AKAP13: variants seen among roughly 807,000 people sequenced by gnomAD.
AKAP13 encodes the protein A-kinase anchor protein 13.
In AKAP13, 80 loss-of-function variants were observed where a neutral mutation model predicts 264.5. The ratio of observed to expected loss-of-function variants is 0.30; its 90% CI spans 0.25 to 0.36. The LOEUF (loss-of-function observed/expected upper bound fraction) is 0.36, where lower values mean the gene tolerates loss of function less well. Ranked by LOEUF, AKAP13 falls within the 10% of genes least tolerant of loss-of-function variation. The pLI is 1.00. For missense variants in AKAP13, 3,712 were observed against 3,435.2 expected (o/e 1.08, Z -2.01); for synonymous variants, 1,380 against 1,250.2 (o/e 1.10, Z -2.19).
chr15:85,588,247 G>T (rs1208931468), intron 8 of AKAP13, among the ~76,000 whole-genome samples: 2 of 152,176 alleles, frequency 1.3e-5, no homozygotes, highest in Non-Finnish European at 2.9e-5. Context: ...GAGTACTGTG[G>T]TATGAAGGTG....
At chr15:85,394,204 A>G (rs752867010) in intron 1 of AKAP13, among the ~76,000 whole-genome samples, 10 of 152,238 alleles carry the variant, frequency 6.6e-5, no homozygotes, top group Non-Finnish European at 8.8e-5. Context: ...CTCAGTAAGA[A>G]AAATACAGGT....
chr15:85,633,368 CG>C (rs144422261), intron 8 of AKAP13, among the ~76,000 whole-genome samples: 38,741 of 146,560 alleles, frequency 0.26, 6,994 homozygotes, highest in East Asian at 0.58. Context: ...ATAATAGGGG[CG>C]GGGGGGGAGT....
At chr15:85,424,975 G>GT (rs1231884635) in intron 1 of AKAP13, among the ~76,000 whole-genome samples, 5 of 152,192 alleles carry the variant, frequency 3.3e-5, no homozygotes, top group Admixed American at 1.3e-4. Flanking sequence ...TGTGGGCACA[G>GT]TTGGTGGTGC....
At chr15:85,619,611 G>A (rs558540502) in intron 8 of AKAP13, 4 of 985,564 alleles carry the variant, frequency 4.1e-6, no homozygotes, top group Admixed American at 1.2e-4. Context: ...TTGAAATAGC[G>A]TCGTCTTCCT....
chr15:85,528,805 G>A (rs1236016570), intron 3 of AKAP13, among the ~76,000 whole-genome samples: 2 of 152,078 alleles, frequency 1.3e-5, no homozygotes, highest in Non-Finnish European at 2.9e-5. Context: ...TTTAAAATAC[G>A]GAATTAAAGT....
At chr15:85,408,875 A>G (rs1442315527) in intron 1 of AKAP13, among the ~76,000 whole-genome samples, 2 of 151,558 alleles carry the variant, frequency 1.3e-5, no homozygotes, top group Non-Finnish European at 2.9e-5. Context: ...TGGTAATTCT[A>G]TTTTTAATTT....
At chr15:85,696,728 A>G (rs2085584871) in intron 17 of AKAP13, among the ~76,000 whole-genome samples, 1 of 152,234 alleles carries the variant, frequency 6.6e-6, no homozygotes, top group South Asian at 2.1e-4. Context: ...TAAAAAATTA[A>G]TACATAGCTG....
chr15:85,488,359 CATAGAGAT>C (rs1286067653), intron 2 of AKAP13, among the ~76,000 whole-genome samples: 1 of 152,140 alleles, frequency 6.6e-6, no homozygotes, highest in Non-Finnish European at 1.5e-5. Context: ...TGTGTCTATA[CATAGAGAT>C]ATGTTCTATA....
intron 1 of AKAP13, among the ~76,000 whole-genome samples, chr15:85,404,332 C>T (rs2071568500): frequency 6.6e-6 from 1 of 152,138 alleles, no homozygotes; most frequent in African/African-American, 2.4e-5. Flanking sequence ...TCCTCATTGC[C>T]CACCGAATAA....
rs1567077572 is a variant in AKAP13, at chr15:85,477,636, G to GAAAAA, written c.-11-8074_-11-8073insAAAAA. ...GAAATTTGAACTGAGCTTAAAAAAA[G>GAAAAA]GAAAAAAAAAAAAAAAAAAAAAGGC... On this transcript the variant is annotated intron_variant, in intron 1 of 36. Coordinates refer to ENST00000394518, the MANE Select transcript of AKAP13 (RefSeq NM_007200.5). 1.5e-4 allele frequency among the ~76,000 whole-genome samples: 5 copies of GAAAAA among 34,308 alleles called. 1 individual carries two copies. The highest frequency in any genetic ancestry group is 2.9e-4 in the Admixed American group (1 of 3,446). The allele number at this position is 34,308 out of a possible 152,430, so 22.5% of individuals were successfully genotyped here.
chr15:85,642,871 C>T (rs1205457990), intron 9 of AKAP13, among the ~76,000 whole-genome samples: 1 of 152,172 alleles, frequency 6.6e-6, no homozygotes, highest in Non-Finnish European at 1.5e-5. Flanking sequence ...AGCGTAGTTG[C>T]TGTGACAGCC....
intron 8 of AKAP13, among the ~76,000 whole-genome samples, chr15:85,629,695 A>C (rs901252462): frequency 1.3e-5 from 2 of 151,394 alleles, no homozygotes; most frequent in African/African-American, 4.8e-5. Context: ...GGTATGTAAA[A>C]AGGTCAAATC....
At chr15:85,642,788 G>C (rs1371953157) in intron 9 of AKAP13, among the ~76,000 whole-genome samples, 1 of 152,138 alleles carries the variant, frequency 6.6e-6, no homozygotes, top group South Asian at 2.1e-4. Context: ...TTCGAATATC[G>C]TGAGCTAGTT....
At chr15:85,680,685 C>T (rs986263101) in intron 14 of AKAP13, among the ~76,000 whole-genome samples, 4 of 151,962 alleles carry the variant, frequency 2.6e-5, no homozygotes, top group Non-Finnish European at 5.9e-5. Context: ...GGCAACATGG[C>T]GAGTCCCTGT....
intron 1 of AKAP13, among the ~76,000 whole-genome samples, chr15:85,431,849 A>G (rs1265396072): frequency 6.6e-6 from 1 of 152,236 alleles, no homozygotes; most frequent in Non-Finnish European, 1.5e-5. Flanking sequence ...TCTACGATAT[A>G]ATCTGAAAGA....
At chr15:85,674,541 T>G (rs2084111184) in intron 14 of AKAP13, among the ~76,000 whole-genome samples, 1 of 152,220 alleles carries the variant, frequency 6.6e-6, no homozygotes, top group African/African-American at 2.4e-5. Context: ...TTTTACACCT[T>G]TGCTTATGGC....
chr15:85,578,401 G>T (rs1226593883), intron 6 of AKAP13, among the ~76,000 whole-genome samples: 6 of 152,144 alleles, frequency 3.9e-5, no homozygotes, highest in Non-Finnish European at 7.3e-5. Flanking sequence ...AGGCTGGAGT[G>T]CAGTGGTGCT....
intron 8 of AKAP13, among the ~76,000 whole-genome samples, chr15:85,598,981 C>G (rs976591470): frequency 3.9e-5 from 6 of 152,148 alleles, no homozygotes; most frequent in Admixed American, 6.5e-5. Context: ...AGTTCCTGTC[C>G]CTATTACCCT....
chr15:85,634,372 G>C (rs1383514583), intron 8 of AKAP13, among the ~76,000 whole-genome samples: 1 of 152,234 alleles, frequency 6.6e-6, no homozygotes, highest in African/African-American at 2.4e-5. Flanking sequence ...TAAAATCAAG[G>C]CTTCTGTCTT....
Sources: allele counts gnomAD v4.1 joint callset (sites outside exome capture counted in the v4.1 genomes callset), GRCh38; gene constraint gnomAD v4.1.1; transcripts MANE v1.5; gene names NCBI Gene and HGNC (gene_info 2026-07-23, HGNC 2026-07-21).